Variants in WHRN observed in about 807,000 individuals in gnomAD.
The protein encoded by WHRN is whirlin, also known as CASK-interacting protein CIP98.
WHRN carries 41 observed loss-of-function variants against 68.3 expected under a neutral mutation model. That is an observed-to-expected ratio of 0.60 (90% CI 0.47 to 0.78). The LOEUF (loss-of-function observed/expected upper bound fraction) is 0.78. Among genes scored for constraint, WHRN ranks in the 30% least tolerant of loss-of-function variants. The pLI is 0.00. For synonymous variants in WHRN, 560 were observed against 561.3 expected, an observed-to-expected ratio of 1.00 and a Z score of 0.03; for missense variants, 1,243 against 1,244.7, an observed-to-expected ratio of 1.00 and a Z score of 0.02.
At chr9:114,450,022 G>A (rs528927198) in intron 3 of WHRN, among the ~76,000 whole-genome samples, 1 of 152,236 alleles carries the variant, frequency 6.6e-6, no homozygotes, top group African/African-American at 2.4e-5. Context: ...GGAAGCAAGA[G>A]CCAACTCTGA....
intron 3 of WHRN, among the ~76,000 whole-genome samples, chr9:114,456,116 G>C (rs1201249457): frequency 7.2e-6 from 1 of 139,106 alleles, no homozygotes; most frequent in Non-Finnish European, 1.5e-5. Context: ...TCTGTATTGA[G>C]AATGTGTAAA....
At chr9:114,450,938 C>T (rs796334502) in intron 3 of WHRN, among the ~76,000 whole-genome samples, 17 of 152,230 alleles carry the variant, frequency 1.1e-4, no homozygotes, top group African/African-American at 2.9e-4. Flanking sequence ...GAATGACAGA[C>T]ATTGAATCAT....
At chr9:114,449,648 C>A (rs555196669) in intron 3 of WHRN, among the ~76,000 whole-genome samples, 36 of 152,220 alleles carry the variant, frequency 2.4e-4, no homozygotes, top group African/African-American at 8.4e-4. Flanking sequence ...CAGCTGGGGG[C>A]GGGTGGGGAG....
Position 114,482,304 on chromosome 9 carries a change from T to C in WHRN, c.619-3533A>G, listed in dbSNP as rs151203445. Reference sequence around the variant, plus strand: ...AAGAAACCGTTAACATCCACAGGCATTCTCCTGCACCCACATCTAGTCTGG... The same window carrying C: ...AAGAAACCGTTAACATCCACAGGCACTCTCCTGCACCCACATCTAGTCTGG... On this transcript the variant is annotated intron_variant, in intron 1 of 11. Transcript: ENST00000362057. 4.2e-4 allele frequency among the ~76,000 whole-genome samples: 64 copies of C among 152,264 alleles called. No individual in the cohort carries two copies. The East Asian group carries it at 7.3e-3, about 17-fold the overall frequency.
chr9:114,403,188 G>A (rs1589056883), intron 11 of WHRN, 29 bp downstream of exon 11: 14 of 1,613,862 alleles, frequency 8.7e-6, no homozygotes, highest in Non-Finnish European at 1.2e-5. Context: ...GGTAGGGAGA[G>A]ATGGCAAGTG....
Position 114,423,293 on chromosome 9 carries a change from GA to G in WHRN, c.1626+20del, listed in dbSNP as rs753631909. 3 of 1,613,348 alleles carry G rather than the reference GA, an allele frequency of 1.9e-6. No homozygotes were observed. The South Asian group carries it at 3.3e-5, about 18-fold the overall frequency. On this transcript the variant is annotated intron_variant, in intron 7 of 11. Transcript: ENST00000362057. ...ACTCTGCCCTGGCTACTAAGCCAGGGACAAGGCAGAAGAAGCTCACCCTGGC... is the reference window on the plus strand; with the variant it reads ...ACTCTGCCCTGGCTACTAAGCCAGGGCAAGGCAGAAGAAGCTCACCCTGGC...
Position 114,402,443 on chromosome 9 carries a change from G to A in WHRN, c.*311C>T, listed in dbSNP as rs1834750663. On this transcript the variant is annotated 3_prime_UTR_variant, in exon 12 of 12. Transcript: ENST00000362057. Reference sequence around the variant, plus strand: ...TCCTAGCTGGAGGGGGGACAGCAGTGCCCCCAACCCAACCTGGAGAAACCA... The same window carrying A: ...TCCTAGCTGGAGGGGGGACAGCAGTACCCCCAACCCAACCTGGAGAAACCA... 6.3e-5 allele frequency: 27 copies of A among 427,588 alleles called. No homozygotes were observed. Among genetic ancestry groups the A allele is most frequent in the South Asian group, 5.8e-4 (26 of 44,542 alleles). The allele number at this position is 427,588 out of a possible 1,614,324, so 26.5% of individuals were successfully genotyped here.
chr9:114,467,655 C>T (rs559616286), intron 2 of WHRN, among the ~76,000 whole-genome samples: 5 of 152,214 alleles, frequency 3.3e-5, no homozygotes, highest in South Asian at 2.1e-4. Context: ...CACAAGGACA[C>T]GCAAGGGGTG....
At chr9:114,453,022 A>G (rs1326504376) in intron 3 of WHRN, among the ~76,000 whole-genome samples, 1 of 152,130 alleles carries the variant, frequency 6.6e-6, no homozygotes, top group South Asian at 2.1e-4. Flanking sequence ...CTGTTTCTTC[A>G]TGGAGGAAGG....
rs369486137 is a variant in WHRN, at chr9:114,423,532, G to A, written c.1417-9C>T. 19 of 1,599,974 alleles carry A rather than the reference G, an allele frequency of 1.2e-5. No individual in the cohort carries two copies. The highest frequency in any genetic ancestry group is 1.1e-4 in the African/African-American group (8 of 74,536). On this transcript the variant is annotated splice_polypyrimidine_tract_variant and intron_variant, in intron 6 of 11. Transcript: ENST00000362057. ...TCAGAGAGGAGTGAGAACTGGAGGC[G>A]GGGACAAAAGGGGCACTCAGCAGGG...
chr9:114,410,334 T>C (rs1296238129), intron 7 of WHRN, among the ~76,000 whole-genome samples: 1 of 152,244 alleles, frequency 6.6e-6, no homozygotes, highest in African/African-American at 2.4e-5. Flanking sequence ...TTCAGAACAG[T>C]GGCTGCTGGA....
intron 3 of WHRN, among the ~76,000 whole-genome samples, chr9:114,438,612 C>T (rs528747693): frequency 1.3e-5 from 2 of 152,092 alleles, no homozygotes; most frequent in East Asian, 3.9e-4. Context: ...GCCACCACGC[C>T]CAGCTAATTT....
At chr9:114,433,295 T>C (rs1362685664) in intron 3 of WHRN, among the ~76,000 whole-genome samples, 7 of 152,150 alleles carry the variant, frequency 4.6e-5, no homozygotes, top group African/African-American at 1.7e-4. Context: ...CAGAAGTTGT[T>C]AGGAGAGAAG....
chr9:114,473,652 C>A (rs987309370), intron 2 of WHRN, among the ~76,000 whole-genome samples: 9 of 152,194 alleles, frequency 5.9e-5, no homozygotes, highest in South Asian at 2.1e-4. Flanking sequence ...AGCTGTGCTT[C>A]TATCACTCTG....
intron 1 of WHRN, among the ~76,000 whole-genome samples, chr9:114,501,227 T>C (rs1158221170): frequency 6.6e-6 from 1 of 152,236 alleles, no homozygotes; most frequent in South Asian, 2.1e-4. Flanking sequence ...TCTACTTTTT[T>C]ATTATTATTA....
chr9:114,480,455 C>T (rs1196430259), intron 1 of WHRN, among the ~76,000 whole-genome samples: 1 of 147,020 alleles, frequency 6.8e-6, no homozygotes, highest in Admixed American at 6.8e-5. Flanking sequence ...GTAGGAACCT[C>T]ATGATGGGAT....
At chr9:114,415,322 T>C (rs1299577120) in intron 7 of WHRN, among the ~76,000 whole-genome samples, 2 of 151,008 alleles carry the variant, frequency 1.3e-5, no homozygotes, top group African/African-American at 4.9e-5. Context: ...TTACTCAAGA[T>C]TCTCCAGAGT....
rs996015700 is a variant in WHRN at position 114,505,267 on chromosome 9, A to C, written c.-466T>G. 6.4e-6 allele frequency: 1 copy of C among 156,004 alleles called. No homozygotes were observed. Among genetic ancestry groups the C allele is most frequent in the Non-Finnish European group, 1.4e-5 (1 of 70,916 alleles). 9.7% of individuals were successfully genotyped at this position (156,004 alleles called of 1,614,324 possible). A position where few individuals can be genotyped will look rare whatever the true frequency, so the allele number is the denominator to read the frequency against. On this transcript the variant is annotated 5_prime_UTR_variant, in exon 1 of 12. Coordinates refer to ENST00000362057, the MANE Select transcript of WHRN (RefSeq NM_015404.4). ...CGTTCCTCTAGGGCTGGGGGACCCC[A>C]AAGTCAGAAGTTGGGGCGGAGGGCG...
rs139597771 is a variant in WHRN at position 114,403,273 on chromosome 9, C to A, written c.2485G>T (p.Ala829Ser). The A allele has an allele frequency of 5.0e-6, 8 of 1,614,126 alleles. No individual in the cohort carries two copies. Among genetic ancestry groups the A allele is most frequent in the Non-Finnish European group, 6.8e-6 (8 of 1,180,036 alleles). The change falls in exon 11 of 12, where the codon GCC becomes TCC. Residue 829 changes from alanine to serine, a missense_variant. Ala to Ser is a moderately conservative substitution (Grantham distance 99). Transcript: ENST00000362057. ...VKKSAATLGI[A>S]IEGGANTRQP... is the part of the protein sequence containing the mutation. ...CGGGTGTTGGCGCCACCCTCGATGG[C>A]GATGCCCAGGGTGGCCGCACTTTTC...
Sources: allele counts gnomAD v4.1 joint callset (sites outside exome capture counted in the v4.1 genomes callset), GRCh38; gene constraint gnomAD v4.1.1; transcripts MANE v1.5; gene names NCBI Gene and HGNC (gene_info 2026-07-23, HGNC 2026-07-21).